The following SLA2 variants were observed in gnomAD, a reference collection of about 807,000 sequenced individuals.
The protein encoded by SLA2 is Src like adaptor 2.
In SLA2, 22 loss-of-function variants were observed where a neutral mutation model predicts 27.3. The observed-to-expected ratio is 0.81, with a 90% CI of 0.58 to 1.15. SLA2 has a LOEUF of 1.15. Ranked by LOEUF, SLA2 falls within the 50% of genes most tolerant of loss-of-function variation. The pLI, the probability that SLA2 is intolerant of heterozygous loss-of-function variation, is 0.00. For synonymous variants in SLA2, 131 were observed against 137.8 expected, an observed-to-expected ratio of 0.95 and a Z score of 0.34; for missense variants, 304 against 322.2, an observed-to-expected ratio of 0.94 and a Z score of 0.43.
At chr20:36,625,106 C>T (rs1240738380) in intron 5 of SLA2, among the ~76,000 whole-genome samples, 7 of 152,054 alleles carry the variant, frequency 4.6e-5, no homozygotes, top group Middle Eastern at 3.4e-3. Context: ...TCATCACACT[C>T]GGGGAAATAA....
At chr20:36,643,175 A>G (rs1978285003) in intron 1 of SLA2, among the ~76,000 whole-genome samples, 1 of 152,246 alleles carries the variant, frequency 6.6e-6, no homozygotes, top group South Asian at 2.1e-4. Flanking sequence ...TGAGACTGTT[A>G]GCTCTTCAGA....
intron 5 of SLA2, among the ~76,000 whole-genome samples, chr20:36,616,247 TG>T: frequency 6.6e-6 from 1 of 152,198 alleles, no homozygotes; most frequent in Non-Finnish European, 1.5e-5. Context: ...TCAACCTACA[TG>T]TATACATTAC....
intron 1 of SLA2, 40 bp from the exon 2 acceptor site, chr20:36,641,418 T>C: frequency 7.9e-7 from 1 of 1,259,612 alleles, no homozygotes. Flanking sequence ...CCGAGGCTTC[T>C]GGCCCAATCT....
chr20:36,635,901 T>C (rs1361176085), intron 2 of SLA2, among the ~76,000 whole-genome samples: 1 of 152,178 alleles, frequency 6.6e-6, no homozygotes. Flanking sequence ...CCAACTGAAA[T>C]GTCCCTTCTT....
chr20:36,622,914 TGGG>T (rs977400181), intron 5 of SLA2, among the ~76,000 whole-genome samples: 1 of 152,072 alleles, frequency 6.6e-6, no homozygotes, highest in African/African-American at 2.4e-5. Context: ...TGAACATTGT[TGGG>T]GGGGATGATG....
intron 1 of SLA2, among the ~76,000 whole-genome samples, chr20:36,645,118 T>C (rs916663343): frequency 6.5e-4 from 99 of 151,832 alleles, no homozygotes; most frequent in African/African-American, 2.3e-3. Flanking sequence ...GACAGGAGGA[T>C]TGCTTGAGGC....
intron 1 of SLA2, among the ~76,000 whole-genome samples, chr20:36,645,005 T>C (rs1186950190): frequency 6.6e-6 from 1 of 151,786 alleles, no homozygotes; most frequent in East Asian, 1.9e-4. Flanking sequence ...ATCATGTGTA[T>C]TTTGTGCTTC....
intron 5 of SLA2, among the ~76,000 whole-genome samples, chr20:36,617,933 G>T (rs558278182): frequency 6.6e-6 from 1 of 151,744 alleles, no homozygotes; most frequent in East Asian, 2.0e-4. Flanking sequence ...AGATCACGAG[G>T]TCAGGAGATC....
At chr20:36,630,581 C>T (rs2039383923) in intron 5 of SLA2, among the ~76,000 whole-genome samples, 1 of 152,162 alleles carries the variant, frequency 6.6e-6, no homozygotes, top group Non-Finnish European at 1.5e-5. Context: ...CACTTACTAG[C>T]TGTGTTTCCC....
intron 5 of SLA2, among the ~76,000 whole-genome samples, chr20:36,630,098 GAGC>G (rs1321428025): frequency 1.3e-5 from 2 of 152,178 alleles, no homozygotes; most frequent in African/African-American, 4.8e-5. Flanking sequence ...GAGGGGAGCT[GAGC>G]ACTGAGCACT....
At chr20:36,637,416 C>T (rs1227442095) in intron 2 of SLA2, among the ~76,000 whole-genome samples, 2 of 151,278 alleles carry the variant, frequency 1.3e-5, no homozygotes, top group East Asian at 2.0e-4. Flanking sequence ...AGGCTGGTCT[C>T]GAACTCCTGA....
At chr20:36,622,342 C>T (rs371245934) in intron 5 of SLA2, among the ~76,000 whole-genome samples, 5 of 144,768 alleles carry the variant, frequency 3.5e-5, no homozygotes, top group African/African-American at 8.0e-5. Flanking sequence ...GGCAACAGAG[C>T]GAGACTCCAT....
chr20:36,634,729 G>C (rs1600829514), intron 2 of SLA2, 140 bp from the exon 3 acceptor site: 1 of 515,084 alleles, frequency 1.9e-6, no homozygotes, highest in Non-Finnish European at 3.5e-6. Context: ...CTTCCTAAGA[G>C]GGCCACCCTG....
intron 6 of SLA2, chr20:36,614,794 C>G (rs1442957331): frequency 1.0e-6 from 1 of 985,324 alleles, no homozygotes; most frequent in African/African-American, 1.7e-5. Context: ...TGAGTTTTCA[C>G]AAGAGTGCTC....
At chr20:36,645,406 T>G (rs1447519530) in intron 1 of SLA2, among the ~76,000 whole-genome samples, 2 of 151,866 alleles carry the variant, frequency 1.3e-5, no homozygotes, top group Non-Finnish European at 2.9e-5. Context: ...AAGGGAGACC[T>G]CTCCCTCTCT....
Position 36,613,865 on chromosome 20 carries a change from C to T in SLA2, c.*1G>A. 1 of 1,462,834 alleles carries T rather than the reference C, an allele frequency of 6.8e-7. No homozygotes were observed. The allele number at this position is 1,462,834 out of a possible 1,614,324, so 90.6% of individuals were successfully genotyped here. ...TTTCCCTTTTGGCCTCTCCTTTGGG[C>T]CTAGGCATCATCCAAAGAGACAGCC... On this transcript the variant is annotated 3_prime_UTR_variant, in exon 8 of 8. Coordinates refer to ENST00000262866, the MANE Select transcript of SLA2 (RefSeq NM_032214.4).
chr20:36,629,086 C>T (rs2147988560), intron 5 of SLA2, among the ~76,000 whole-genome samples: 1 of 145,986 alleles, frequency 6.8e-6, no homozygotes, highest in East Asian at 2.0e-4. Flanking sequence ...TTTTTTGAGA[C>T]ATAGTCTCGC....
intron 5 of SLA2, among the ~76,000 whole-genome samples, chr20:36,619,015 C>T (rs935315089): frequency 4.8e-5 from 7 of 147,332 alleles, no homozygotes; most frequent in African/African-American, 1.8e-4. Flanking sequence ...CATTTGAGGT[C>T]GAGAGATTGA....
At chr20:36,642,626 C>A (rs2039518004) in intron 1 of SLA2, among the ~76,000 whole-genome samples, 1 of 152,118 alleles carries the variant, frequency 6.6e-6, no homozygotes, top group South Asian at 2.1e-4. Context: ...ACTCTTGTTG[C>A]CCAGGCTGGA....
Sources: gnomAD v4.1 joint callset for allele counts (sites outside exome capture counted in the v4.1 genomes callset) on GRCh38, gnomAD v4.1.1 for gene constraint, MANE v1.5 for transcripts, NCBI Gene and HGNC (gene_info 2026-07-23, HGNC 2026-07-21) for gene names.